The following BNC2 variants were observed in gnomAD, a reference collection of about 807,000 sequenced individuals.
The protein encoded by BNC2 is zinc finger protein basonuclin-2.
Under a neutral mutation model 76.3 loss-of-function variants are expected in BNC2, and 20 were observed. That is an observed-to-expected ratio of 0.26 (90% CI 0.18 to 0.38). The LOEUF is 0.38. BNC2 is among the 10% of genes least tolerant of loss of function. The pLI, the probability that BNC2 is intolerant of heterozygous loss-of-function variation, is 1.00. For synonymous variants in BNC2, 582 were observed against 514.8 expected (o/e 1.13, Z -1.77); for missense variants, 1,382 against 1,399.8 (o/e 0.99, Z 0.20).
intron 1 of BNC2, chr9:16,868,082 T>C (rs950121065): frequency 4.6e-5 from 7 of 152,166 alleles, no homozygotes; most frequent in Non-Finnish European, 8.8e-5. Context: ...TTCTTTCTTG[T>C]CTAAATCAGG....
intron 4 of BNC2, among the ~76,000 whole-genome samples, chr9:16,563,494 C>A (rs1670288831): frequency 6.6e-6 from 1 of 152,058 alleles, no homozygotes; most frequent in African/African-American, 2.4e-5. Context: ...GATATAATTT[C>A]TTAAAGCCCT....
intron 5 of BNC2, among the ~76,000 whole-genome samples, chr9:16,456,078 T>C (rs1469869151): frequency 1.3e-5 from 2 of 152,054 alleles, no homozygotes; most frequent in African/African-American, 4.8e-5. Context: ...ACTCATCATA[T>C]CTATTAGAGG....
Position 16,511,386 on chromosome 9 carries a change from C to T in BNC2, c.669+41144G>A, listed in dbSNP as rs1822751489. Among the ~76,000 whole-genome samples, 3 of 147,872 alleles carry T rather than the reference C, an allele frequency of 2.0e-5. No individual in the cohort carries two copies. In the South Asian group the frequency reaches 6.4e-4, roughly 32 times the overall value. On this transcript the variant is annotated intron_variant, in intron 5 of 6. Transcript: ENST00000380672. Reference sequence around the variant, plus strand: ...TCGTTTTCCCAAAGCACTGGGATCACAGCCATGAGCCACCATGCCTGGCAA... The same window carrying T: ...TCGTTTTCCCAAAGCACTGGGATCATAGCCATGAGCCACCATGCCTGGCAA...
intron 1 of BNC2, among the ~76,000 whole-genome samples, chr9:16,758,968 A>G (rs987436817): frequency 6.6e-6 from 1 of 152,238 alleles, no homozygotes; most frequent in Non-Finnish European, 1.5e-5. Context: ...TTCTACGGTC[A>G]AAGTTCATGT....
chr9:16,768,893 G>A (rs1421589319), intron 1 of BNC2, among the ~76,000 whole-genome samples: 4 of 152,156 alleles, frequency 2.6e-5, no homozygotes, highest in Non-Finnish European at 5.9e-5. Context: ...GAGAAAGACA[G>A]AAAGCAGAGC....
chr9:16,868,738 T>C (rs907370207), intron 1 of BNC2, among the ~76,000 whole-genome samples: 1 of 152,236 alleles, frequency 6.6e-6, no homozygotes, highest in Non-Finnish European at 1.5e-5. Flanking sequence ...CTGAACAGTT[T>C]ACATGAAACG....
intron 5 of BNC2, among the ~76,000 whole-genome samples, chr9:16,548,586 G>A (rs928670021): frequency 1.1e-4 from 17 of 152,030 alleles, no homozygotes; most frequent in Non-Finnish European, 2.2e-4. Context: ...TTGTATTTTA[G>A]TAGAGACAGG....
chr9:16,581,705 T>C (rs1448189283), intron 4 of BNC2, among the ~76,000 whole-genome samples: 2 of 152,166 alleles, frequency 1.3e-5, no homozygotes, highest in East Asian at 3.9e-4. Context: ...AACTAATATA[T>C]GAAGAGAGAC....
chr9:16,624,340 T>C (rs1820936745), intron 3 of BNC2, among the ~76,000 whole-genome samples: 1 of 152,206 alleles, frequency 6.6e-6, no homozygotes, highest in African/African-American at 2.4e-5. Context: ...AACAAAGTTA[T>C]ATAAATGTTC....
intron 3 of BNC2, among the ~76,000 whole-genome samples, chr9:16,602,233 GA>G (rs1820262587): frequency 6.6e-6 from 1 of 151,856 alleles, no homozygotes; most frequent in Non-Finnish European, 1.5e-5. Context: ...TCTTATTTAA[GA>G]AAAAAGGAAA....
intron 3 of BNC2, among the ~76,000 whole-genome samples, chr9:16,723,275 A>G (rs1824217976): frequency 1.3e-5 from 2 of 152,132 alleles, no homozygotes; most frequent in South Asian, 4.1e-4. Context: ...AGTCGTTTTC[A>G]AAGACCATTA....
intron 4 of BNC2, among the ~76,000 whole-genome samples, chr9:16,564,686 CTTT>C (rs964972978): frequency 2.0e-5 from 3 of 152,148 alleles, no homozygotes; most frequent in Non-Finnish European, 2.9e-5. Context: ...AATCAGACTT[CTTT>C]GTGTGTCATT....
chr9:16,589,715 G>A (rs1245721886), intron 3 of BNC2, among the ~76,000 whole-genome samples: 1 of 151,748 alleles, frequency 6.6e-6, no homozygotes, highest in African/African-American at 2.4e-5. Context: ...TCACCATGTT[G>A]GTCAGGCTGG....
intron 6 of BNC2, chr9:16,435,139 G>A (rs1386056002): frequency 2.3e-6 from 1 of 440,262 alleles, no homozygotes; most frequent in Admixed American, 2.6e-5. Context: ...ATAATATACT[G>A]ATTTAATTAA....
chr9:16,483,914 T>C (rs1224053064), intron 5 of BNC2, among the ~76,000 whole-genome samples: 1 of 152,238 alleles, frequency 6.6e-6, no homozygotes, highest in Non-Finnish European at 1.5e-5. Flanking sequence ...TCACCCAAAC[T>C]ACTTTGTAGA....
chr9:16,514,109 A>G (rs1822822341), intron 5 of BNC2, among the ~76,000 whole-genome samples: 1 of 152,142 alleles, frequency 6.6e-6, no homozygotes, highest in African/African-American at 2.4e-5. Flanking sequence ...CTGAACCACC[A>G]AAGTCCTTTC....
At chr9:16,469,991 T>A (rs1563798536) in intron 5 of BNC2, among the ~76,000 whole-genome samples, 1 of 128,002 alleles carries the variant, frequency 7.8e-6, no homozygotes, top group African/African-American at 3.3e-5. Flanking sequence ...CTAATGGCAT[T>A]CTTTTTTTTT....
intron 3 of BNC2, among the ~76,000 whole-genome samples, chr9:16,660,009 T>C (rs1822062009): frequency 6.6e-6 from 1 of 152,206 alleles, no homozygotes; most frequent in Admixed American, 6.5e-5. Flanking sequence ...AGCCAAATTA[T>C]TCCCTGCAAA....
Position 16,779,874 on chromosome 9 carries a change from G to A in BNC2, c.4-41389C>T, listed in dbSNP as rs1220674990. 2.6e-5 allele frequency among the ~76,000 whole-genome samples: 4 copies of A among 152,216 alleles called. No individual in the cohort carries two copies. In the East Asian group the frequency reaches 7.7e-4, roughly 29 times the overall value. On this transcript the variant is annotated intron_variant, in intron 1 of 6. Transcript: ENST00000380672. ...AGGAAGGTGAAAGCTAAAGGGTACGGGTTTCTTTTCTGAGGTAATAAAAAC... is the reference window on the plus strand; with the variant it reads ...AGGAAGGTGAAAGCTAAAGGGTACGAGTTTCTTTTCTGAGGTAATAAAAAC...
Sources: allele counts gnomAD v4.1 joint callset (sites outside exome capture counted in the v4.1 genomes callset), GRCh38; gene constraint gnomAD v4.1.1; transcripts MANE v1.5; gene names NCBI Gene and HGNC (gene_info 2026-07-23, HGNC 2026-07-21).